Variants in SDK2 observed in about 807,000 individuals in gnomAD.
SDK2 encodes the protein sidekick cell adhesion molecule 2.
A neutral mutation model predicts 253.9 loss-of-function variants in SDK2; 105 were observed. The ratio of observed to expected loss-of-function variants is 0.41; its 90% confidence interval spans 0.35 to 0.49. The LOEUF (loss-of-function observed/expected upper bound fraction) is 0.49, where lower values mean the gene tolerates loss of function less well. SDK2 is among the 20% of genes least tolerant of loss of function. SDK2 has a pLI of 0.06. For missense variants in SDK2, 2,608 were observed against 3,003.0 expected (o/e 0.87, Z 3.07); for synonymous variants, 1,249 against 1,234.9 (o/e 1.01, Z -0.24).
Position 73,361,579 on chromosome 17 carries a change from A to C in SDK2, c.5467+105T>G. The C allele has an allele frequency of 8.5e-7, 1 of 1,177,048 alleles. No homozygotes were observed. Among genetic ancestry groups the C allele is most frequent in the Non-Finnish European group, 1.2e-6 (1 of 828,616 alleles). The allele number at this position is 1,177,048 out of a possible 1,614,324, so 72.9% of individuals were successfully genotyped here. A position where few individuals can be genotyped will look rare whatever the true frequency, so the allele number is the denominator to read the frequency against. Reference sequence around the variant, plus strand: ...GGGGAAAGAGTGAGCTCTGTCCTCCACTCTGTTTCCAGGGTCCAGCACAGC... The same window carrying C: ...GGGGAAAGAGTGAGCTCTGTCCTCCCCTCTGTTTCCAGGGTCCAGCACAGC... On this transcript the variant is annotated intron_variant, in intron 39 of 44. Transcript: ENST00000392650. The surrounding 1 kb of genome is among the most constrained non-coding windows in gnomAD (Gnocchi z 4.1).
Position 73,352,762 on chromosome 17 carries a change from T to C in SDK2, c.5594-125A>G. On this transcript the variant is annotated intron_variant, in intron 40 of 44. Coordinates refer to ENST00000392650, the MANE Select transcript of SDK2 (RefSeq NM_001144952.2). The surrounding 1 kb of genome is among the most constrained non-coding windows in gnomAD (Gnocchi z 4.1). ...TGGATCCTCCCTGCTCCACACTGAATCGCAGGCCTTGGTCCTCCCTTGAAG... is the reference window on the plus strand; with the variant it reads ...TGGATCCTCCCTGCTCCACACTGAACCGCAGGCCTTGGTCCTCCCTTGAAG... The C allele has an allele frequency of 1.0e-6, 1 of 962,852 alleles. No individual in the cohort carries two copies. The allele number at this position is 962,852 out of a possible 1,614,324, so 59.6% of individuals were successfully genotyped here.
At position 73,379,302 on chromosome 17, in the gene SDK2, G is replaced by A. The variant is rs973512506; in HGVS notation, c.4865-10C>T. On this transcript the variant is annotated splice_polypyrimidine_tract_variant and intron_variant, in intron 35 of 44. Coordinates refer to ENST00000392650, the MANE Select transcript of SDK2 (RefSeq NM_001144952.2). The surrounding 1 kb of genome is among the most constrained non-coding windows in gnomAD (Gnocchi z 4.5). ...GGTGCTGCTGTGGGCACTGGAGGGC[G>A]TGCAGGGTAGGCAGTGAGCATGCGA... 7 of 1,550,128 alleles carry A rather than the reference G, an allele frequency of 4.5e-6. No individual in the cohort carries two copies. Among genetic ancestry groups the A allele is most frequent in the African/African-American group, 1.4e-5 (1 of 73,286 alleles).
At chr17:73,377,482 G>A (rs1481052908) in intron 36 of SDK2, among the ~76,000 whole-genome samples, 1 of 151,750 alleles carries the variant, frequency 6.6e-6, no homozygotes. Context: ...GCCTCCCAAA[G>A]TGCTGGGATT....
intron 8 of SDK2, among the ~76,000 whole-genome samples, chr17:73,437,257 C>T (rs761654823): frequency 3.3e-5 from 5 of 152,100 alleles, no homozygotes; most frequent in Middle Eastern, 3.4e-3. Flanking sequence ...GAAGGAAGGA[C>T]GGTGGGGAAG....
intron 2 of SDK2, among the ~76,000 whole-genome samples, chr17:73,497,562 C>A (rs774032336): frequency 2.0e-5 from 3 of 152,064 alleles, no homozygotes; most frequent in African/African-American, 7.2e-5. Flanking sequence ...CTTCCTCAAC[C>A]ACCTCAATGC....
Position 73,453,780 on chromosome 17 carries a change from G to A in SDK2, c.479+2126C>T, listed in dbSNP as rs113252429. ...GCTTCACATTAGAACCACCTGGGGA[G>A]CTTTTAAAATTTCTGATGCTCAAAT... On this transcript the variant is annotated intron_variant, in intron 4 of 44. Transcript: ENST00000392650. Among the ~76,000 whole-genome samples the A allele has an allele frequency of 1.7e-3, 254 of 152,270 alleles. 2 individuals are homozygous for A. Among genetic ancestry groups the A allele is most frequent in the African/African-American group, 5.9e-3 (244 of 41,552 alleles).
intron 3 of SDK2, among the ~76,000 whole-genome samples, chr17:73,460,814 T>C (rs1217034809): frequency 1.3e-5 from 2 of 152,226 alleles, no homozygotes; most frequent in East Asian, 3.8e-4. Context: ...CATCAATGAA[T>C]CACATTGATT....
Position 73,380,954 on chromosome 17 carries a change from T to TTGGG in SDK2, c.4706-5_4706-4insCCCA. 1 of 680,402 alleles carries TTGGG rather than the reference T, an allele frequency of 1.5e-6. No individual in the cohort carries two copies. Among genetic ancestry groups the TTGGG allele is most frequent in the Non-Finnish European group, 2.4e-6 (1 of 414,564 alleles). The allele number at this position is 680,402 out of a possible 1,614,324, so 42.1% of individuals were successfully genotyped here. A position where few individuals can be genotyped will look rare whatever the true frequency, so the allele number is the denominator to read the frequency against. ...AGGTTCCGCATGGAGTACATGGCTA[T>TTGGG]GGGGTGGGGGTGCCGGGGCGGGGGC... On this transcript the variant is annotated splice_region_variant and splice_polypyrimidine_tract_variant and intron_variant, in intron 33 of 44. Coordinates refer to ENST00000392650, the MANE Select transcript of SDK2 (RefSeq NM_001144952.2).
At chr17:73,549,878 G>A (rs1318061896) in intron 1 of SDK2, among the ~76,000 whole-genome samples, 1 of 152,194 alleles carries the variant, frequency 6.6e-6, no homozygotes, top group African/African-American at 2.4e-5. Context: ...CACTCTGGCT[G>A]CAACGTAGTG....
intron 1 of SDK2, among the ~76,000 whole-genome samples, chr17:73,621,407 C>T (rs769410443): frequency 2.0e-5 from 3 of 152,178 alleles, no homozygotes; most frequent in Non-Finnish European, 2.9e-5. Flanking sequence ...AATTACTCTA[C>T]ATACAAAGAA....
At chr17:73,349,250 A>C (rs1365153737) in intron 43 of SDK2, among the ~76,000 whole-genome samples, 1 of 152,208 alleles carries the variant, frequency 6.6e-6, no homozygotes, top group Non-Finnish European at 1.5e-5. Flanking sequence ...TTTCTTTGGA[A>C]GGCTGGATTT....
At chr17:73,389,190 T>A (rs2062905770) in intron 29 of SDK2, among the ~76,000 whole-genome samples, 1 of 139,218 alleles carries the variant, frequency 7.2e-6, no homozygotes, top group East Asian at 2.2e-4. Flanking sequence ...TTTCTTTTTT[T>A]TTTTTTTTTT....
At chr17:73,491,473 A>T (rs2063806090) in intron 2 of SDK2, among the ~76,000 whole-genome samples, 1 of 149,728 alleles carries the variant, frequency 6.7e-6, no homozygotes, top group African/African-American at 2.5e-5. Flanking sequence ...CCTGGGCTCC[A>T]GCGATCCTCC....
In SDK2 at chr17:73,502,079, GCACATACACACACACACA is replaced by G. The variant is rs1437584291; in HGVS notation, c.224+5341_224+5358del. ...GTGCACAGGCTTGCCTTTGTGTAGT[GCACATACACACACACACA>G]CACACACACACACACACACACACCA... On this transcript the variant is annotated intron_variant, in intron 2 of 44. Coordinates refer to ENST00000392650, the MANE Select transcript of SDK2 (RefSeq NM_001144952.2). 9.3e-3 allele frequency among the ~76,000 whole-genome samples: 1,378 copies of G among 147,520 alleles called. 14 individuals are homozygous for G. The highest frequency in any genetic ancestry group is 0.016 in the Non-Finnish European group (1,063 of 66,942).
In SDK2 at chr17:73,616,609, G is replaced by GA. The variant is rs1183566059; in HGVS notation, c.64+27415dup. Among the ~76,000 whole-genome samples the GA allele has an allele frequency of 6.6e-6, 1 of 152,190 alleles. No individual in the cohort carries two copies. Among genetic ancestry groups the GA allele is most frequent in the Non-Finnish European group, 1.5e-5 (1 of 68,030 alleles). Reference sequence around the variant, plus strand: ...CTTAGTCCTGGGTGTTTGGGGCTGAGAAAATGAACGTTCCATGATGCTATA... The same window carrying GA: ...CTTAGTCCTGGGTGTTTGGGGCTGAGAAAAATGAACGTTCCATGATGCTATA... On this transcript the variant is annotated intron_variant, in intron 1 of 44. Coordinates refer to ENST00000392650, the MANE Select transcript of SDK2 (RefSeq NM_001144952.2). This position sits in a 1 kb window ranked among gnomAD's most constrained non-coding sequence, Gnocchi z 5.2.
chr17:73,627,242 A>G (rs2046213736), intron 1 of SDK2, among the ~76,000 whole-genome samples: 1 of 152,072 alleles, frequency 6.6e-6, no homozygotes, highest in South Asian at 2.1e-4. Context: ...CTAAATGCAC[A>G]TTGTTTTCAT....
rs144878236 is a variant in SDK2, at chr17:73,379,473, C to G, written c.4839G>C (p.Pro1613=). Residue 1613 remains proline (P), a synonymous_variant, in exon 35 of 45, where the codon CCG becomes CCC. Coordinates refer to ENST00000392650, the MANE Select transcript of SDK2 (RefSeq NM_001144952.2). The surrounding 1 kb of genome is among the most constrained non-coding windows in gnomAD (Gnocchi z 4.5). Reference sequence around the variant, plus strand: ...CTGCCTCCCCAACAAAGACCTCCTGCGGGGGGCTGGAGGGCCCCTCACCCA... The same window carrying G: ...CTGCCTCCCCAACAAAGACCTCCTGGGGGGGGCTGGAGGGCCCCTCACCCA... ...NAVGEGPSSP[P]QEVFVGEAVP... is the part of the protein sequence containing the mutation. 3.1e-6 allele frequency: 5 copies of G among 1,609,256 alleles called. No individual in the cohort carries two copies. The highest frequency in any genetic ancestry group is 4.2e-6 in the Non-Finnish European group (5 of 1,177,652).
rs367622362 is a variant in SDK2 at position 73,422,356 on chromosome 17, C to G, written c.1976G>C (p.Arg659Pro). Residue 659 changes from arginine (R) to proline (P), a missense_variant, in exon 15 of 45, where the codon CGC becomes CCC. By Grantham distance (103) the Arg-to-Pro change is moderately radical. This residue lies in a region of SDK2 where 1,505 missense variants were observed against 1,859.1 expected (regional missense o/e 0.81). Transcript: ENST00000392650. ...SVTVKGLVPA[R>P]SYQFRLCAVN... Reference sequence around the variant, plus strand: ...GGCACAAAGACGGAACTGGTAGGAGCGTGCAGGAACCAGGCCCTTGACTGT... The same window carrying G: ...GGCACAAAGACGGAACTGGTAGGAGGGTGCAGGAACCAGGCCCTTGACTGT... The G allele has an allele frequency of 6.2e-7, 1 of 1,613,964 alleles. No individual in the cohort carries two copies. Among genetic ancestry groups the G allele is most frequent in the Admixed American group, 1.7e-5 (1 of 60,020 alleles).
intron 3 of SDK2, among the ~76,000 whole-genome samples, chr17:73,469,247 C>T (rs2063626885): frequency 6.6e-6 from 1 of 152,216 alleles, no homozygotes; most frequent in Non-Finnish European, 1.5e-5. Context: ...CTCCCTGGAT[C>T]TCAGAAGCTC....
Sources: gnomAD v4.1 joint callset for allele counts (sites outside exome capture counted in the v4.1 genomes callset) on GRCh38, gnomAD v4.1.1 for gene constraint, gnomAD v4.1.1 regional missense constraint, Gnocchi (gnomAD v3.1) non-coding constraint, MANE v1.5 for transcripts, NCBI Gene and HGNC (gene_info 2026-07-23, HGNC 2026-07-21) for gene names.